C5AR1: variants seen among roughly 807,000 people sequenced by gnomAD.
The protein encoded by C5AR1 is C5a anaphylatoxin chemotactic receptor 1.
In C5AR1, 4 loss-of-function variants were observed where a neutral mutation model predicts 2.4. That is an observed-to-expected ratio of 1.65 (90% CI 0.81 to 3.77). The LOEUF (loss-of-function observed/expected upper bound fraction) is 3.77. Among genes scored for constraint, C5AR1 ranks in the 30% most tolerant of loss-of-function variants. The pLI is 0.01. For synonymous variants in C5AR1, 209 were observed against 210.4 expected, an observed-to-expected ratio of 0.99 and a Z score of 0.06; for missense variants, 418 against 462.5, an observed-to-expected ratio of 0.90 and a Z score of 0.88.
chr19:47,314,924 C>T (rs766586210), intron 1 of C5AR1, among the ~76,000 whole-genome samples: 5 of 152,126 alleles, frequency 3.3e-5, no homozygotes, highest in African/African-American at 4.8e-5. Context: ...GAACTCCTGA[C>T]TTCAAGTGAT....
At chr19:47,308,256 A>G (rs914614830), upstream of C5AR1, among the ~76,000 whole-genome samples, 2 of 151,112 alleles carry the variant, frequency 1.3e-5, no homozygotes, top group Admixed American at 6.6e-5. Context: ...CCTGTTGTGA[A>G]CAGCGCATGT....
In C5AR1 at chr19:47,320,387, A is replaced by G. The variant is rs755240188; in HGVS notation, c.610A>G (p.Ile204Val). ...CAAACGGCGGGAGCGAGCCGTGGCC[A>G]TCGTCCGGCTGGTCCTGGGCTTCCT... is the stretch of plus-strand genomic sequence containing the variant. Reference protein sequence around the residue: ...HDKRRERAVAIVRLVLGFLWP... With the variant: ...HDKRRERAVAVVRLVLGFLWP... The change falls in exon 2 of 2, where the codon ATC becomes GTC. Residue 204 changes from isoleucine to valine, a missense_variant. Transcript: ENST00000355085. This position sits in a 1 kb window ranked among gnomAD's most constrained non-coding sequence, Gnocchi z 4.9. The G allele has an allele frequency of 1.9e-6, 3 of 1,610,116 alleles. No homozygotes were observed. Among genetic ancestry groups the G allele is most frequent in the Non-Finnish European group, 1.7e-6 (2 of 1,179,926 alleles).
chr19:47,313,116 G>A (rs1406221141), intron 1 of C5AR1, among the ~76,000 whole-genome samples: 1 of 152,090 alleles, frequency 6.6e-6, no homozygotes, highest in African/African-American at 2.4e-5. Context: ...TGGTATCACA[G>A]GTGCGTGCCA....
intron 1 of C5AR1, among the ~76,000 whole-genome samples, chr19:47,311,117 C>T (rs754677043): frequency 2.0e-5 from 3 of 152,020 alleles, no homozygotes; most frequent in Admixed American, 6.6e-5. Flanking sequence ...TGCATTCCAC[C>T]CTTGAGATCC....
At chr19:47,317,585 A>C (rs1324595261) in intron 1 of C5AR1, among the ~76,000 whole-genome samples, 1 of 151,542 alleles carries the variant, frequency 6.6e-6, no homozygotes, top group African/African-American at 2.4e-5. Flanking sequence ...ACAAATAATA[A>C]TACCAATGGC....
intron 1 of C5AR1, among the ~76,000 whole-genome samples, chr19:47,316,075 G>A (rs922564841): frequency 6.6e-6 from 1 of 151,452 alleles, no homozygotes; most frequent in Non-Finnish European, 1.5e-5. Context: ...GCGCAATCTT[G>A]ACTCACTGCA....
intron 1 of C5AR1, among the ~76,000 whole-genome samples, chr19:47,314,013 C>G (rs546040291): frequency 2.0e-5 from 3 of 152,080 alleles, no homozygotes; most frequent in African/African-American, 4.8e-5. Flanking sequence ...TCTCCTTCAC[C>G]CTGTTCTCAT....
chr19:47,309,934 G>C (rs1327864890), intron 1 of C5AR1, 36 bp downstream of exon 1: 1 of 1,606,322 alleles, frequency 6.2e-7, no homozygotes, highest in Non-Finnish European at 8.5e-7. Flanking sequence ...AGGAAACTTT[G>C]TCCTGGGTCC....
chr19:47,311,715 C>A (rs1438715234), intron 1 of C5AR1, among the ~76,000 whole-genome samples: 1 of 152,126 alleles, frequency 6.6e-6, no homozygotes, highest in Non-Finnish European at 1.5e-5. Flanking sequence ...CAGGCATGCG[C>A]CACCACGCCT....
Position 47,321,170 on chromosome 19 carries a change from C to G in C5AR1, c.*340C>G. On this transcript the variant is annotated 3_prime_UTR_variant, in exon 2 of 2. Coordinates refer to ENST00000355085, the MANE Select transcript of C5AR1 (RefSeq NM_001736.4). ...AGGTGTGAACAGGGAACTCAGAATA[C>G]AGACAAGTAGAAAGATTCTCGCTTA... 7.0e-6 allele frequency: 1 copy of G among 142,278 alleles called. No homozygotes were observed. The highest frequency in any genetic ancestry group is 1.4e-5 in the Non-Finnish European group (1 of 71,460). 8.8% of individuals were successfully genotyped at this position (142,278 alleles called of 1,614,324 possible).
rs768747111 is a variant in C5AR1 at position 47,319,882 on chromosome 19, T to G, written c.105T>G (p.Val35=). ...PVDKTSNTLR[V]PDILALVIFA... Reference sequence around the variant, plus strand: ...ATAAAACTTCTAACACGCTGCGTGTTCCAGACATCCTGGCCTTGGTCATCT... The same window carrying G: ...ATAAAACTTCTAACACGCTGCGTGTGCCAGACATCCTGGCCTTGGTCATCT... Residue 35 remains valine (V), a synonymous_variant, in exon 2 of 2, where the codon GTT becomes GTG. Coordinates refer to ENST00000355085, the MANE Select transcript of C5AR1 (RefSeq NM_001736.4). 2.1e-5 allele frequency: 34 copies of G among 1,614,110 alleles called. No homozygotes were observed. The highest frequency in any genetic ancestry group is 2.7e-5 in the Non-Finnish European group (32 of 1,180,032).
upstream of C5AR1, among the ~76,000 whole-genome samples, chr19:47,307,979 C>G (rs532986475): frequency 6.6e-6 from 1 of 151,972 alleles, no homozygotes; most frequent in African/African-American, 2.4e-5. Flanking sequence ...TTTTGGGAGG[C>G]TGAGGCGGGT....
At chr19:47,318,881 A>ATTTTTTT (rs34790165) in intron 1 of C5AR1, among the ~76,000 whole-genome samples, 1 of 99,394 alleles carries the variant, frequency 1.0e-5, no homozygotes, top group Non-Finnish European at 1.9e-5. Flanking sequence ...TTTTTGTTCT[A>ATTTTTTT]TTTTTTTTTT....
In C5AR1 at chr19:47,312,333, G is replaced by T. The variant is rs569867618; in HGVS notation, c.3+2435G>T. On this transcript the variant is annotated intron_variant, in intron 1 of 1. Coordinates refer to ENST00000355085, the MANE Select transcript of C5AR1 (RefSeq NM_001736.4). ...ACTCCTGGCCCCAAGCAATCTTCCCGCCTTGGCCTCCCAAAGTGCTGGGAT... is the reference window on the plus strand; with the variant it reads ...ACTCCTGGCCCCAAGCAATCTTCCCTCCTTGGCCTCCCAAAGTGCTGGGAT... Among the ~76,000 whole-genome samples, 14 of 151,950 alleles carry T rather than the reference G, an allele frequency of 9.2e-5. 1 individual carries two copies. In the East Asian group the frequency reaches 1.6e-3, roughly 17 times the overall value.
chr19:47,318,904 T>TTA (rs1464953154), intron 1 of C5AR1, among the ~76,000 whole-genome samples: 1 of 147,216 alleles, frequency 6.8e-6, no homozygotes, highest in Admixed American at 6.8e-5. Context: ...TTTTTTTTTT[T>TTA]AGATGGAGTC....
chr19:47,319,304 A>AT (rs34731685), intron 1 of C5AR1, among the ~76,000 whole-genome samples: 83,836 of 94,244 alleles, frequency 0.89, 37,864 homozygotes, highest in East Asian at 0.97. Context: ...GAATCATTTC[A>AT]TTTTTTTTTT....
At chr19:47,309,188 A>C (rs889137637), upstream of C5AR1, among the ~76,000 whole-genome samples, 1 of 152,108 alleles carries the variant, frequency 6.6e-6, no homozygotes, top group African/African-American at 2.4e-5. Context: ...TGGAGGTTAC[A>C]GTCTCTGCTT....
intron 1 of C5AR1, among the ~76,000 whole-genome samples, chr19:47,314,447 G>A (rs2059279750): frequency 6.6e-6 from 1 of 152,128 alleles, no homozygotes; most frequent in Admixed American, 6.6e-5. Flanking sequence ...GCCCAGGCTG[G>A]AGTATAGTGA....
chr19:47,317,077 T>C (rs1320046018), intron 1 of C5AR1, among the ~76,000 whole-genome samples: 1 of 149,524 alleles, frequency 6.7e-6, no homozygotes, highest in Admixed American at 6.8e-5. Context: ...ATTGTAGTCC[T>C]AGCTACTCAA....
Sources: gnomAD v4.1 joint callset for allele counts (sites outside exome capture counted in the v4.1 genomes callset) on GRCh38, gnomAD v4.1.1 for gene constraint, Gnocchi (gnomAD v3.1) non-coding constraint, MANE v1.5 for transcripts, NCBI Gene and HGNC (gene_info 2026-07-23, HGNC 2026-07-21) for gene names.